Variants in ADCY2 observed in about 807,000 individuals in gnomAD.
ADCY2 encodes adenylate cyclase type 2.
A neutral mutation model predicts 125.2 loss-of-function variants in ADCY2; 31 were observed. The observed-to-expected ratio is 0.25, with a 90% CI of 0.19 to 0.33. The LOEUF (loss-of-function observed/expected upper bound fraction) is 0.33. Ranked by LOEUF, ADCY2 falls within the 10% of genes least tolerant of loss-of-function variation. ADCY2 has a pLI of 1.00. For missense variants in ADCY2, 904 were observed against 1,418.2 expected, an observed-to-expected ratio of 0.64 and a Z score of 5.82; for synonymous variants, 512 against 548.4, an observed-to-expected ratio of 0.93 and a Z score of 0.93.
At chr5:7,414,948 A>G (rs1187094530) in intron 2 of ADCY2, among the ~76,000 whole-genome samples, 178 bp downstream of exon 2, 1 of 151,998 alleles carries the variant, frequency 6.6e-6, no homozygotes, top group East Asian at 1.9e-4. Flanking sequence ...AATTGTATGT[A>G]TTATGGGGTA....
chr5:7,400,662 C>A (rs1320657150), intron 1 of ADCY2, among the ~76,000 whole-genome samples: 1 of 152,202 alleles, frequency 6.6e-6, no homozygotes, highest in African/African-American at 2.4e-5. Context: ...TCTGTGCATG[C>A]TTTCTCTAGT....
intron 12 of ADCY2, among the ~76,000 whole-genome samples, chr5:7,721,105 G>A (rs1331882693): frequency 6.6e-6 from 1 of 152,160 alleles, no homozygotes; most frequent in Admixed American, 6.5e-5. Flanking sequence ...GGTGTGAGAT[G>A]ATATCTCATT....
intron 16 of ADCY2, among the ~76,000 whole-genome samples, chr5:7,761,955 A>T (rs561760710): frequency 2.6e-5 from 4 of 152,216 alleles, no homozygotes; most frequent in East Asian, 3.9e-4. Flanking sequence ...AGTATGATGG[A>T]TGACCCTTGA....
chr5:7,747,408 C>T (rs1742661366), intron 15 of ADCY2, among the ~76,000 whole-genome samples: 1 of 152,216 alleles, frequency 6.6e-6, no homozygotes, highest in Non-Finnish European at 1.5e-5. Flanking sequence ...TCCTTTCTTA[C>T]TTTCTCCTCT....
intron 7 of ADCY2, among the ~76,000 whole-genome samples, chr5:7,698,872 G>C (rs1740981077): frequency 6.6e-6 from 1 of 152,082 alleles, no homozygotes; most frequent in South Asian, 2.1e-4. Context: ...CTTTATAGTA[G>C]AATGATTTAT....
intron 2 of ADCY2, among the ~76,000 whole-genome samples, chr5:7,432,789 A>G (rs1035410531): frequency 8.5e-5 from 13 of 152,198 alleles, no homozygotes; most frequent in South Asian, 2.1e-4. Flanking sequence ...GATGGGTACA[A>G]TGGGCACAAG....
intron 2 of ADCY2, among the ~76,000 whole-genome samples, chr5:7,519,926 C>A (rs2126531295): frequency 6.6e-6 from 1 of 152,232 alleles, no homozygotes; most frequent in South Asian, 2.1e-4. Context: ...GGTCTTTTGC[C>A]CAGATTTTAT....
At chr5:7,542,361 G>GA (rs11389458) in intron 3 of ADCY2, among the ~76,000 whole-genome samples, 26,313 of 147,046 alleles carry the variant, frequency 0.18, 2,898 homozygotes, top group African/African-American at 0.33. Flanking sequence ...AAATATTACA[G>GA]AAAAAAAAAA....
intron 13 of ADCY2, among the ~76,000 whole-genome samples, chr5:7,726,356 A>T (rs1471066451): frequency 6.6e-6 from 1 of 152,182 alleles, no homozygotes; most frequent in Non-Finnish European, 1.5e-5. Context: ...CAGTTTCTTC[A>T]TCCAAAAATA....
At chr5:7,405,666 A>G (rs1739457269) in intron 1 of ADCY2, among the ~76,000 whole-genome samples, 1 of 152,248 alleles carries the variant, frequency 6.6e-6, no homozygotes, top group East Asian at 1.9e-4. Context: ...TAGATTGGCC[A>G]AATGGAGCCA....
chr5:7,794,634 G>A (rs779156645), intron 20 of ADCY2: 1 of 152,144 alleles, frequency 6.6e-6, no homozygotes, highest in Admixed American at 6.6e-5. Flanking sequence ...GGTGTTATAA[G>A]AAGAGCCACC....
chr5:7,727,363 G>A (rs1195274263), intron 14 of ADCY2, 102 bp downstream of exon 14: 12 of 960,188 alleles, frequency 1.2e-5, no homozygotes, highest in Non-Finnish European at 1.8e-5. Context: ...TTTAGACAGA[G>A]GGGTGATTTA....
intron 3 of ADCY2, among the ~76,000 whole-genome samples, chr5:7,612,367 T>C (rs944209765): frequency 6.6e-6 from 1 of 152,196 alleles, no homozygotes; most frequent in African/African-American, 2.4e-5. Flanking sequence ...GTGTCTTTGT[T>C]TGGGCTTCCC....
intron 2 of ADCY2, among the ~76,000 whole-genome samples, chr5:7,478,845 A>T (rs1419902229): frequency 2.0e-5 from 3 of 152,208 alleles, no homozygotes; most frequent in Admixed American, 1.3e-4. Flanking sequence ...CCACAGCTGC[A>T]TACAGGACAT....
intron 2 of ADCY2, among the ~76,000 whole-genome samples, chr5:7,494,160 G>C (rs1385403512): frequency 1.3e-5 from 2 of 152,136 alleles, no homozygotes; most frequent in African/African-American, 4.8e-5. Context: ...GCAGCCCTCA[G>C]GTGCTTTTTT....
chr5:7,642,244 G>A (rs1738737108), intron 4 of ADCY2, among the ~76,000 whole-genome samples: 1 of 152,078 alleles, frequency 6.6e-6, no homozygotes, highest in African/African-American at 2.4e-5. Flanking sequence ...GTATGTCATT[G>A]TGGTTTCAGT....
intron 2 of ADCY2, among the ~76,000 whole-genome samples, chr5:7,447,645 C>T (rs1313395933): frequency 6.6e-6 from 1 of 152,166 alleles, no homozygotes; most frequent in African/African-American, 2.4e-5. Context: ...GCCAGGGGGT[C>T]CTGCACAGTG....
At chr5:7,673,013 G>A (rs1739984349) in intron 4 of ADCY2, among the ~76,000 whole-genome samples, 1 of 151,884 alleles carries the variant, frequency 6.6e-6, no homozygotes, top group Non-Finnish European at 1.5e-5. Context: ...ACACCACACA[G>A]AGGACATGCC....
chr5:7,698,543 C>T (rs1023887569), intron 7 of ADCY2, among the ~76,000 whole-genome samples, 169 bp downstream of exon 7: 3 of 152,106 alleles, frequency 2.0e-5, no homozygotes, highest in Non-Finnish European at 2.9e-5. Flanking sequence ...CTCCCCTCAC[C>T]CCCTCCCCAA....
Sources: allele counts gnomAD v4.1 joint callset (sites outside exome capture counted in the v4.1 genomes callset), GRCh38; gene constraint gnomAD v4.1.1; transcripts MANE v1.5; gene names NCBI Gene and HGNC (gene_info 2026-07-23, HGNC 2026-07-21).